SMC3: variants seen among roughly 807,000 people sequenced by gnomAD.
SMC3 encodes structural maintenance of chromosomes 3.
In SMC3, 20 loss-of-function variants were observed where a neutral mutation model predicts 171.8. The ratio of observed to expected loss-of-function variants is 0.12; its 90% CI spans 0.08 to 0.17. The LOEUF is 0.17. SMC3 is among the 10% of genes least tolerant of loss of function. The pLI is 1.00. For missense variants in SMC3, 543 were observed against 1,420.4 expected (o/e 0.38, Z 9.93); for synonymous variants, 464 against 451.1 (o/e 1.03, Z -0.36).
intron 8 of SMC3, 42 bp downstream of exon 8, chr10:110,581,063 T>A: frequency 8.9e-7 from 1 of 1,124,184 alleles, no homozygotes; most frequent in Non-Finnish European, 1.4e-6. Context: ...TGTTGCAAAT[T>A]ACTGTTTTTG....
intron 13 of SMC3, 81 bp from the exon 14 acceptor site, chr10:110,589,524 A>G (rs982150496): frequency 6.2e-5 from 57 of 920,112 alleles, no homozygotes; most frequent in Middle Eastern, 4.3e-4. Flanking sequence ...TCCCCCATCC[A>G]TCTGCAACCA....
intron 8 of SMC3, among the ~76,000 whole-genome samples, chr10:110,581,504 A>G (rs923167034): frequency 1.3e-5 from 2 of 152,152 alleles, no homozygotes; most frequent in African/African-American, 2.4e-5. Context: ...CTCATGAGCC[A>G]CTGCGCCTGG....
In SMC3 at chr10:110,567,702, T is replaced by C. The variant is rs886046691; in HGVS notation, c.-115T>C. ...CACGAGCGCCGCCATTTTGTTTGGC[T>C]GAGGGGAGCGAGCGGCGCTTTGGGG... On this transcript the variant is annotated 5_prime_UTR_variant, in exon 1 of 29. Transcript: ENST00000361804. 19 of 1,312,324 alleles carry C rather than the reference T, an allele frequency of 1.4e-5. No homozygotes were observed. In the Middle Eastern group the frequency reaches 6.9e-4, roughly 47 times the overall value. 81.3% of individuals were successfully genotyped at this position (1,312,324 alleles called of 1,614,324 possible).
chr10:110,604,605 C>A lies in SMC3; in HGVS notation c.*303C>A. The stretch of plus-strand genomic sequence containing the variant: ...ATCACTTATACTACCTTTTTTATAG[C>A]TTCAATTAAATAATCGGTTTTATGA... On this transcript the variant is annotated 3_prime_UTR_variant, in exon 29 of 29. Coordinates refer to ENST00000361804, the MANE Select transcript of SMC3 (RefSeq NM_005445.4). 1 of 329,954 alleles carries A rather than the reference C, an allele frequency of 3.0e-6. No homozygotes were observed. The highest frequency in any genetic ancestry group is 7.3e-5 in the East Asian group (1 of 13,766). 20.4% of individuals were successfully genotyped at this position (329,954 alleles called of 1,614,324 possible). A position where few individuals can be genotyped will look rare whatever the true frequency, so the allele number is the denominator to read the frequency against.
chr10:110,574,808 C>T (rs1017117100), intron 3 of SMC3, among the ~76,000 whole-genome samples: 3 of 152,192 alleles, frequency 2.0e-5, no homozygotes, highest in African/African-American at 2.4e-5. Context: ...GAAGTAGGAA[C>T]GGCCCCTTCT....
chr10:110,605,545 A>T lies in SMC3; in HGVS notation c.*1243A>T, dbSNP rs1475668113. ...TAAAGAGATACTTTTAAAATAAAGA[A>T]ATAGTAATGGGACTTTAAATTGAAT... On this transcript the variant is annotated 3_prime_UTR_variant, in exon 29 of 29. Coordinates refer to ENST00000361804, the MANE Select transcript of SMC3 (RefSeq NM_005445.4). Among the ~76,000 whole-genome samples the T allele has an allele frequency of 6.6e-6, 1 of 152,230 alleles. No homozygotes were observed. The highest frequency in any genetic ancestry group is 2.4e-5 in the African/African-American group (1 of 41,456).
At chr10:110,572,262 T>C (rs1860883489) in intron 2 of SMC3, among the ~76,000 whole-genome samples, 1 of 152,230 alleles carries the variant, frequency 6.6e-6, no homozygotes, top group African/African-American at 2.4e-5. Context: ...GGATGTTCTC[T>C]TTCATAATCA....
At chr10:110,574,828 C>T (rs1183824120) in intron 3 of SMC3, among the ~76,000 whole-genome samples, 3 of 152,100 alleles carry the variant, frequency 2.0e-5, no homozygotes, top group Non-Finnish European at 2.9e-5. Flanking sequence ...TTACAGAGCT[C>T]GGTATAGTAT....
At chr10:110,575,587 A>T (rs1033856620) in intron 4 of SMC3, among the ~76,000 whole-genome samples, 184 bp downstream of exon 4, 1 of 152,218 alleles carries the variant, frequency 6.6e-6, no homozygotes, top group Non-Finnish European at 1.5e-5. Context: ...ATAAAAGCCC[A>T]ATTTTTATAC....
At chr10:110,585,568 C>A (rs938891564) in intron 13 of SMC3, among the ~76,000 whole-genome samples, 3 of 151,310 alleles carry the variant, frequency 2.0e-5, no homozygotes, top group Non-Finnish European at 4.4e-5. Context: ...GGATTGCAGG[C>A]GTGAGCCACC....
At chr10:110,601,585 T>C (rs1182259470) in intron 23 of SMC3, 52 bp from the exon 24 acceptor site, 5 of 1,576,376 alleles carry the variant, frequency 3.2e-6, no homozygotes, top group Non-Finnish European at 3.5e-6. Flanking sequence ...ACTCAACATA[T>C]AACACTGGCT....
chr10:110,580,175 A>G (rs1554882456), intron 7 of SMC3, among the ~76,000 whole-genome samples: 1 of 150,664 alleles, frequency 6.6e-6, no homozygotes, highest in Non-Finnish European at 1.5e-5. Context: ...TGCATAGGTT[A>G]TATGCAAATA....
In SMC3 at chr10:110,604,393, C is replaced by T. The variant is rs1188098799; in HGVS notation, c.*91C>T. 1.1e-6 allele frequency: 1 copy of T among 907,582 alleles called. No homozygotes were observed. The highest frequency in any genetic ancestry group is 1.8e-6 in the Non-Finnish European group (1 of 551,354). 56.2% of individuals were successfully genotyped at this position (907,582 alleles called of 1,614,324 possible). On this transcript the variant is annotated 3_prime_UTR_variant, in exon 29 of 29. Transcript: ENST00000361804. ...GTAAATTTAAACCTAAATATTTGGCCAATAGTTTTCAGACTTAAAGCATCA... is the reference window on the plus strand; with the variant it reads ...GTAAATTTAAACCTAAATATTTGGCTAATAGTTTTCAGACTTAAAGCATCA...
At chr10:110,591,718 G>A (rs1318433713) in intron 17 of SMC3, among the ~76,000 whole-genome samples, 1 of 152,186 alleles carries the variant, frequency 6.6e-6, no homozygotes, top group Non-Finnish European at 1.5e-5. Flanking sequence ...ACTTCAGAAT[G>A]TTGATGGTAG....
At chr10:110,601,546 T>G in intron 23 of SMC3, 91 bp from the exon 24 acceptor site, 1 of 1,345,186 alleles carries the variant, frequency 7.4e-7, no homozygotes. Flanking sequence ...CTAAAACCTA[T>G]TTTGGTAGGT....
chr10:110,580,757 A>C lies in SMC3; in HGVS notation c.430-147A>C, dbSNP rs1221182014. On this transcript the variant is annotated intron_variant, in intron 7 of 28. Coordinates refer to ENST00000361804, the MANE Select transcript of SMC3 (RefSeq NM_005445.4). Reference sequence around the variant, plus strand: ...TGCAAATATTCCAAAACTTGAAAAAATCTAAAATCTGTAACACTTCTGGTT... The same window carrying C: ...TGCAAATATTCCAAAACTTGAAAAACTCTAAAATCTGTAACACTTCTGGTT... 21 of 659,686 alleles carry C rather than the reference A, an allele frequency of 3.2e-5. No homozygotes were observed. The East Asian group carries it at 5.5e-4, about 17-fold the overall frequency. The allele number at this position is 659,686 out of a possible 1,614,324, so 40.9% of individuals were successfully genotyped here.
intron 4 of SMC3, among the ~76,000 whole-genome samples, chr10:110,576,320 A>G (rs1192548289): frequency 6.6e-6 from 1 of 152,180 alleles, no homozygotes; most frequent in African/African-American, 2.4e-5. Flanking sequence ...GACCACCTGT[A>G]TATTTACAGT....
chr10:110,603,885 G>A (rs1329031216), intron 28 of SMC3, among the ~76,000 whole-genome samples: 1 of 152,064 alleles, frequency 6.6e-6, no homozygotes, highest in Non-Finnish European at 1.5e-5. Context: ...AACCAGGTCA[G>A]GAGTTTGAGA....
intron 18 of SMC3, among the ~76,000 whole-genome samples, chr10:110,596,187 A>ACTCCAGC (rs1375411135): frequency 7.1e-6 from 1 of 141,008 alleles, no homozygotes; most frequent in Non-Finnish European, 1.5e-5. Context: ...GCACCACTGC[A>ACTCCAGC]CTCCAGCCTG....
Sources: allele counts gnomAD v4.1 joint callset (sites outside exome capture counted in the v4.1 genomes callset), GRCh38; gene constraint gnomAD v4.1.1; transcripts MANE v1.5; gene names NCBI Gene and HGNC (gene_info 2026-07-23, HGNC 2026-07-21).